BTRC: variants seen among roughly 807,000 people sequenced by gnomAD.
The protein encoded by BTRC is F-box/WD repeat-containing protein 1A.
A neutral mutation model predicts 85.5 loss-of-function variants in BTRC; 42 were observed. The observed-to-expected ratio is 0.49, with a 90% CI of 0.38 to 0.64. The LOEUF (loss-of-function observed/expected upper bound fraction) is 0.64, where lower values mean the gene tolerates loss of function less well. Among genes scored for constraint, BTRC ranks in the 30% least tolerant of loss-of-function variants. The probability of loss-of-function intolerance (pLI) is 0.00; values close to 1 mark genes in which losing one functional copy is unlikely to be tolerated. For missense variants in BTRC, 594 were observed against 743.5 expected (o/e 0.80, Z 2.34); for synonymous variants, 255 against 263.3 (o/e 0.97, Z 0.30).
chr10:101,374,118 G>C (rs1468291905), intron 1 of BTRC, among the ~76,000 whole-genome samples: 1 of 152,100 alleles, frequency 6.6e-6, no homozygotes, highest in African/African-American at 2.4e-5. Context: ...TCCAGTTCTA[G>C]ATCCCGGAGG....
At chr10:101,482,393 C>CTTTTTT (rs55978440) in intron 4 of BTRC, among the ~76,000 whole-genome samples, 16 of 99,822 alleles carry the variant, frequency 1.6e-4, no homozygotes, top group Non-Finnish European at 2.3e-4. Flanking sequence ...TTGTTTGTTT[C>CTTTTTT]TTTTTTTTTT....
At chr10:101,464,057 A>G (rs943038461) in intron 3 of BTRC, among the ~76,000 whole-genome samples, 1 of 152,190 alleles carries the variant, frequency 6.6e-6, no homozygotes, top group Admixed American at 6.5e-5. Context: ...CTAAACCAAT[A>G]GGACAATACT....
At chr10:101,538,203 A>G (rs2062415182) in intron 12 of BTRC, 90 bp from the exon 13 acceptor site, 7 of 1,082,804 alleles carry the variant, frequency 6.5e-6, no homozygotes, top group Admixed American at 1.7e-5. Context: ...CTCACCATCC[A>G]TATTTATTGC....
chr10:101,481,320 C>A (rs1945828460), intron 4 of BTRC, among the ~76,000 whole-genome samples: 1 of 152,112 alleles, frequency 6.6e-6, no homozygotes, highest in African/African-American at 2.4e-5. Flanking sequence ...AATATTCTTT[C>A]TTTCTTTTTT....
chr10:101,550,265 A>AT (rs1345058807), intron 13 of BTRC, among the ~76,000 whole-genome samples: 1 of 151,440 alleles, frequency 6.6e-6, no homozygotes, highest in Non-Finnish European at 1.5e-5. Flanking sequence ...AATTTTCTCT[A>AT]TTTTTTTAAT....
intron 13 of BTRC, among the ~76,000 whole-genome samples, chr10:101,547,008 A>G (rs546005623): frequency 6.6e-6 from 1 of 152,332 alleles, no homozygotes; most frequent in East Asian, 1.9e-4. Context: ...TTACTAACTC[A>G]TCTATGAAGC....
At chr10:101,405,112 G>A (rs1008270711) in intron 1 of BTRC, among the ~76,000 whole-genome samples, 15 of 151,452 alleles carry the variant, frequency 9.9e-5, no homozygotes, top group African/African-American at 3.4e-4. Context: ...CCATTTTCTT[G>A]AGTTCCTCCC....
At chr10:101,492,772 A>C (rs966804289) in intron 4 of BTRC, among the ~76,000 whole-genome samples, 4 of 152,202 alleles carry the variant, frequency 2.6e-5, no homozygotes, top group Non-Finnish European at 5.9e-5. Context: ...TATAGATACC[A>C]CGAGTGTCCA....
At chr10:101,366,616 T>G (rs1384108714) in intron 1 of BTRC, among the ~76,000 whole-genome samples, 1 of 149,844 alleles carries the variant, frequency 6.7e-6, no homozygotes, top group Non-Finnish European at 1.5e-5. Flanking sequence ...AGGTGGGCAA[T>G]TCCAAGAATA....
chr10:101,437,129 T>C, intron 2 of BTRC, among the ~76,000 whole-genome samples: 1 of 152,300 alleles, frequency 6.6e-6, no homozygotes, highest in East Asian at 1.9e-4. Context: ...AATGTAGTTA[T>C]TTTTTATGTA....
chr10:101,535,613 G>T (rs936683289), intron 11 of BTRC, 141 bp downstream of exon 11: 51 of 529,194 alleles, frequency 9.6e-5, no homozygotes, highest in African/African-American at 8.9e-4. Flanking sequence ...CAGGTCAGAA[G>T]TTTGCCCCAG....
intron 1 of BTRC, among the ~76,000 whole-genome samples, chr10:101,426,612 A>G (rs1944258499): frequency 6.6e-6 from 1 of 152,358 alleles, no homozygotes; most frequent in South Asian, 2.1e-4. Context: ...AGAACGAGTA[A>G]GTAAACTCAG....
intron 4 of BTRC, among the ~76,000 whole-genome samples, chr10:101,497,054 A>G (rs896825553): frequency 6.6e-6 from 1 of 152,120 alleles, no homozygotes; most frequent in African/African-American, 2.4e-5. Flanking sequence ...TTATGGTTTT[A>G]CATTTCATGT....
At chr10:101,480,994 A>G (rs201335024) in intron 4 of BTRC, among the ~76,000 whole-genome samples, 1 of 152,166 alleles carries the variant, frequency 6.6e-6, no homozygotes, top group South Asian at 2.1e-4. Flanking sequence ...TCCTAGCTCA[A>G]TGCAGCCTTT....
intron 1 of BTRC, among the ~76,000 whole-genome samples, chr10:101,424,727 A>G (rs1030194906): frequency 9.2e-5 from 14 of 152,166 alleles, no homozygotes; most frequent in Admixed American, 2.6e-4. Context: ...GTGTAAATGA[A>G]TTGTGCCATT....
chr10:101,470,527 A>G (rs1246278433), intron 3 of BTRC, among the ~76,000 whole-genome samples: 1 of 151,826 alleles, frequency 6.6e-6, no homozygotes, highest in Non-Finnish European at 1.5e-5. Flanking sequence ...ACGGGGTTTC[A>G]CCATGTTGGC....
intron 1 of BTRC, among the ~76,000 whole-genome samples, chr10:101,380,460 C>T (rs1278969553): frequency 3.3e-5 from 5 of 151,870 alleles, no homozygotes; most frequent in African/African-American, 1.2e-4. Flanking sequence ...AAGGCTGTGC[C>T]TTCACACTTG....
At chr10:101,538,607 G>A (rs536639578) in intron 13 of BTRC, among the ~76,000 whole-genome samples, 312 of 152,272 alleles carry the variant, frequency 2.0e-3, no homozygotes, top group African/African-American at 7.1e-3. Flanking sequence ...CAGCTGCACA[G>A]CAACTCTACA....
chr10:101,422,413 C>T (rs1944127713), intron 1 of BTRC, among the ~76,000 whole-genome samples: 1 of 152,118 alleles, frequency 6.6e-6, no homozygotes, highest in African/African-American at 2.4e-5. Context: ...TTCTTCCATT[C>T]TGTAGGTTGC....
Sources: allele counts gnomAD v4.1 joint callset (sites outside exome capture counted in the v4.1 genomes callset), GRCh38; gene constraint gnomAD v4.1.1; transcripts MANE v1.5; gene names NCBI Gene and HGNC (gene_info 2026-07-23, HGNC 2026-07-21).